Variants in POLR2F observed in about 807,000 individuals in gnomAD.
POLR2F encodes the protein DNA-directed RNA polymerases I, II, and III subunit RPABC2.
POLR2F carries 12 observed loss-of-function variants against 22.7 expected under a neutral mutation model. The ratio of observed to expected loss-of-function variants is 0.53; its 90% CI spans 0.34 to 0.86. The LOEUF (loss-of-function observed/expected upper bound fraction) is 0.86. POLR2F is among the 40% of genes least tolerant of loss of function. The probability of loss-of-function intolerance (pLI) is 0.02; values close to 1 mark genes in which losing one functional copy is unlikely to be tolerated. For synonymous variants in POLR2F, 57 were observed against 66.0 expected (o/e 0.86, Z 0.66); for missense variants, 126 against 171.5 (o/e 0.73, Z 1.48).
chr22:37,977,541 C>T (rs1385771390), intron 4 of POLR2F, among the ~76,000 whole-genome samples: 1 of 152,104 alleles, frequency 6.6e-6, no homozygotes, highest in East Asian at 2.0e-4. Flanking sequence ...AGGATGGTCT[C>T]GATCTCCTGA....
chr22:37,981,995 CCA>C (rs1013354362), upstream of POLR2F, among the ~76,000 whole-genome samples: 19 of 152,220 alleles, frequency 1.2e-4, no homozygotes, highest in African/African-American at 4.6e-4. Flanking sequence ...GCACCTTCTA[CCA>C]CTCTAAGCCT....
chr22:37,983,540 C>T (rs1221132587), upstream of POLR2F: 1 of 1,610,402 alleles, frequency 6.2e-7, no homozygotes, highest in Non-Finnish European at 8.5e-7. The surrounding 1 kb of genome is among the most constrained non-coding windows in gnomAD (Gnocchi z 9.5). Flanking sequence ...CCAGTCGTAG[C>T]CGCTGAGCAC....
downstream of POLR2F, chr22:38,041,305 C>A: frequency 1.4e-6 from 1 of 704,848 alleles, no homozygotes; most frequent in Non-Finnish European, 2.4e-6. Context: ...GCCCAGGTGA[C>A]CAGGTGGAAG....
At chr22:38,041,218 A>C, downstream of POLR2F, 1 of 1,493,652 alleles carries the variant, frequency 6.7e-7, no homozygotes, top group Non-Finnish European at 9.2e-7. Flanking sequence ...ATGTGAGGAC[A>C]CGGTCTAGAC....
downstream of POLR2F, chr22:37,972,348 A>G (rs1370857206): frequency 1.4e-6 from 1 of 709,326 alleles, no homozygotes; most frequent in Non-Finnish European, 2.2e-6. Flanking sequence ...TGGAATGCTT[A>G]ATGCAGAGTT....
At chr22:37,979,014 T>A (rs1261210923) in intron 4 of POLR2F, among the ~76,000 whole-genome samples, 1 of 152,158 alleles carries the variant, frequency 6.6e-6, no homozygotes, top group East Asian at 1.9e-4. Flanking sequence ...TGACCTTAGT[T>A]GATCCGCCTG....
downstream of POLR2F, among the ~76,000 whole-genome samples, chr22:37,971,904 GGGGCATAGCCGCC>G (rs1313193576): frequency 6.6e-6 from 1 of 151,910 alleles, no homozygotes; most frequent in Non-Finnish European, 1.5e-5. Context: ...CCTGCAGTGT[GGGGCATAGCCGCC>G]GGGCTGGGGA....
At chr22:38,038,135 T>C (rs1453375355) in intron 5 of POLR2F, among the ~76,000 whole-genome samples, 2 of 132,354 alleles carry the variant, frequency 1.5e-5, no homozygotes, top group African/African-American at 5.8e-5. Flanking sequence ...AAAGCTGGGG[T>C]GGGGAAAGAA....
chr22:37,969,521 C>A (rs73415849), downstream of POLR2F, among the ~76,000 whole-genome samples: 5,327 of 152,268 alleles, frequency 0.035, 301 homozygotes, highest in African/African-American at 0.12. Context: ...TTCCCACTCA[C>A]TCTCATGAGA....
intron 4 of POLR2F, 160 bp from the exon 5 acceptor site, chr22:37,967,465 T>G (rs929816649): frequency 6.9e-7 from 1 of 1,439,470 alleles, no homozygotes; most frequent in Non-Finnish European, 9.1e-7. Flanking sequence ...ATAAAAACTT[T>G]CTTTTTCTTG....
rs539769105 is a variant in POLR2F at position 37,988,228 on chromosome 22, G to A, written c.120+1916G>A. On this transcript the variant is annotated intron_variant, in intron 1 of 2. Coordinates refer to the POLR2F transcript ENST00000333418. Reference sequence around the variant, plus strand: ...GCCTGTAATCCCAGCTACTTGGGAGGCTGAGGCAGGAGAATCACTTGAACC... The same window carrying A: ...GCCTGTAATCCCAGCTACTTGGGAGACTGAGGCAGGAGAATCACTTGAACC... 2.7e-5 allele frequency: 4 copies of A among 149,284 alleles called. No individual in the cohort carries two copies. The East Asian group carries it at 7.9e-4, about 29-fold the overall frequency. 9.2% of individuals were successfully genotyped at this position (149,284 alleles called of 1,614,324 possible).
chr22:38,015,237 A>T (rs1017775132), intron 1 of POLR2F, among the ~76,000 whole-genome samples: 1 of 152,210 alleles, frequency 6.6e-6, no homozygotes, highest in African/African-American at 2.4e-5. Flanking sequence ...TCAAACTTCT[A>T]TTGGAGAAAG....
At chr22:37,977,507 A>G (rs1932257097) in intron 4 of POLR2F, among the ~76,000 whole-genome samples, 1 of 151,896 alleles carries the variant, frequency 6.6e-6, no homozygotes, top group Non-Finnish European at 1.5e-5. Context: ...TTTTTAGTAG[A>G]GATGGGATTT....
chr22:37,966,994 A>T (rs1931877390), intron 3 of POLR2F, 105 bp from the exon 4 acceptor site: 2 of 750,994 alleles, frequency 2.7e-6, no homozygotes, highest in African/African-American at 3.5e-5. Context: ...TACCTAGAAG[A>T]TGACGTTTCT....
chr22:37,981,871 G>C (rs1213782970), upstream of POLR2F, among the ~76,000 whole-genome samples: 3 of 152,214 alleles, frequency 2.0e-5, no homozygotes, highest in Non-Finnish European at 4.4e-5. Flanking sequence ...GGGTGAGCAG[G>C]GCACTGAGGG....
intron 1 of POLR2F, among the ~76,000 whole-genome samples, chr22:37,988,572 A>T (rs549713486): frequency 7.2e-4 from 109 of 151,804 alleles, no homozygotes; most frequent in Non-Finnish European, 1.3e-3. Flanking sequence ...AATCACTTGA[A>T]CTCAAGAGGC....
In POLR2F at chr22:38,017,441, G is replaced by A. The variant is rs1361743968; in HGVS notation, c.121-8428G>A. Among the ~76,000 whole-genome samples the A allele has an allele frequency of 2.0e-5, 3 of 152,116 alleles. No individual in the cohort carries two copies. The highest frequency in any genetic ancestry group is 4.4e-5 in the Non-Finnish European group (3 of 68,030). ...AAAAGAACCTCAGTAGGGGAAGGTGGGCCCTGGTACCACCTGGTTCTGCCA... is the reference window on the plus strand; with the variant it reads ...AAAAGAACCTCAGTAGGGGAAGGTGAGCCCTGGTACCACCTGGTTCTGCCA... On this transcript the variant is annotated intron_variant, in intron 1 of 2. Transcript: ENST00000333418. This position sits in a 1 kb window ranked among gnomAD's most constrained non-coding sequence, Gnocchi z 4.1.
downstream of POLR2F, chr22:37,973,324 G>T: frequency 1.2e-5 from 7 of 585,986 alleles, no homozygotes; most frequent in Non-Finnish European, 2.1e-5. Flanking sequence ...GCCTGGATGG[G>T]GCGGGTGGGT....
intron 1 of POLR2F, among the ~76,000 whole-genome samples, chr22:38,023,839 ATTTTTTT>A (rs56162997): frequency 1.6e-4 from 18 of 115,404 alleles, no homozygotes; most frequent in Admixed American, 3.8e-4. Flanking sequence ...CGCCTGGCTA[ATTTTTTT>A]TTTTTTTTTT....
Sources: gnomAD v4.1 joint callset for allele counts (sites outside exome capture counted in the v4.1 genomes callset) on GRCh38, gnomAD v4.1.1 for gene constraint, Gnocchi (gnomAD v3.1) non-coding constraint, MANE v1.5 for transcripts, NCBI Gene and HGNC (gene_info 2026-07-23, HGNC 2026-07-21) for gene names.